Variants in PAK5 observed in about 807,000 individuals in gnomAD.
The protein encoded by PAK5 is p21 (RAC1) activated kinase 5.
In PAK5, 16 loss-of-function variants were observed where a neutral mutation model predicts 65.9. That is an observed-to-expected ratio of 0.24 (90% confidence interval 0.16 to 0.37). PAK5 has a LOEUF of 0.37. Among genes scored for constraint, PAK5 ranks in the 10% least tolerant of loss-of-function variants. PAK5 has a pLI of 1.00. For synonymous variants in PAK5, 371 were observed against 354.9 expected, an observed-to-expected ratio of 1.05 and a Z score of -0.51; for missense variants, 785 against 903.9, an observed-to-expected ratio of 0.87 and a Z score of 1.69.
intron 4 of PAK5, chr20:9,575,549 C>T (rs1001548109): frequency 1.3e-5 from 2 of 152,144 alleles, no homozygotes; most frequent in Admixed American, 1.3e-4. Context: ...ATATGAGCAC[C>T]TTAGGGATTT....
chr20:9,799,939 CAAAAAA>C (rs71331383), intron 1 of PAK5, among the ~76,000 whole-genome samples: 47 of 43,660 alleles, frequency 1.1e-3, no homozygotes, highest in Admixed American at 2.0e-3. Flanking sequence ...ACTCTGTCTC[CAAAAAA>C]AAAAAAAAAA....
chr20:9,642,161 G>A (rs899939460), intron 3 of PAK5, among the ~76,000 whole-genome samples: 2 of 152,224 alleles, frequency 1.3e-5, no homozygotes, highest in Non-Finnish European at 2.9e-5. Context: ...CTCACTTTGG[G>A]TATATACCCA....
At chr20:9,661,117 G>GT (rs1192110501) in intron 2 of PAK5, among the ~76,000 whole-genome samples, 9 of 151,914 alleles carry the variant, frequency 5.9e-5, no homozygotes, top group East Asian at 5.8e-4. Flanking sequence ...CAGGGCTTTG[G>GT]TTTTTTTTCT....
chr20:9,699,343 C>A (rs888926488), intron 2 of PAK5, among the ~76,000 whole-genome samples: 1 of 151,988 alleles, frequency 6.6e-6, no homozygotes, highest in Non-Finnish European at 1.5e-5. Flanking sequence ...AGGCTGGGAG[C>A]TTCTTTTAGG....
chr20:9,726,931 A>C (rs1054578613), intron 1 of PAK5, among the ~76,000 whole-genome samples: 1 of 152,218 alleles, frequency 6.6e-6, no homozygotes, highest in African/African-American at 2.4e-5. Flanking sequence ...GAATAGTAAA[A>C]GTGGAAGTTA....
At chr20:9,677,077 G>GTGTGTTTGT (rs961961369) in intron 2 of PAK5, among the ~76,000 whole-genome samples, 2 of 100,568 alleles carry the variant, frequency 2.0e-5, no homozygotes, top group African/African-American at 6.1e-5. Context: ...GTGTGTGTGT[G>GTGTGTTTGT]TGTGTGTGTG....
intron 2 of PAK5, among the ~76,000 whole-genome samples, chr20:9,671,654 T>C (rs1344314802): frequency 2.7e-5 from 4 of 147,050 alleles, no homozygotes; most frequent in Non-Finnish European, 1.5e-5. Context: ...AAGTTGCTTA[T>C]CAGCTTAAGG....
chr20:9,562,842 G>C (rs770441623), intron 6 of PAK5, 49 bp downstream of exon 6: 1 of 1,564,994 alleles, frequency 6.4e-7, no homozygotes, highest in East Asian at 2.2e-5. Flanking sequence ...CTTTATCCTG[G>C]AGAAGAATAA....
At chr20:9,747,114 A>C (rs2048517524) in intron 1 of PAK5, among the ~76,000 whole-genome samples, 2 of 152,130 alleles carry the variant, frequency 1.3e-5, no homozygotes, top group African/African-American at 2.4e-5. Flanking sequence ...CGACACGTAC[A>C]CCCTCCCAAG....
chr20:9,730,353 TGAC>T (rs1360247756), intron 1 of PAK5, among the ~76,000 whole-genome samples: 2 of 152,196 alleles, frequency 1.3e-5, no homozygotes, highest in East Asian at 3.9e-4. Flanking sequence ...AAAATTACCA[TGAC>T]AAGAGGATGT....
chr20:9,617,549 C>CCAATCCT (rs2046681117), intron 3 of PAK5, among the ~76,000 whole-genome samples: 5 of 94,580 alleles, frequency 5.3e-5, no homozygotes, highest in Admixed American at 1.4e-4. Context: ...AATCCCAATC[C>CCAATCCT]TTTTTTTTTT....
chr20:9,581,052 T>C, intron 3 of PAK5, 122 bp from the exon 4 acceptor site: 1 of 663,614 alleles, frequency 1.5e-6, no homozygotes, highest in Admixed American at 2.8e-5. Context: ...CGGGAACACT[T>C]AACACAAAAT....
chr20:9,601,884 C>T lies in PAK5; in HGVS notation c.205-20954G>A, dbSNP rs183194155. 2.0e-5 allele frequency among the ~76,000 whole-genome samples: 3 copies of T among 152,290 alleles called. No homozygotes were observed. In the East Asian group the frequency reaches 5.8e-4, roughly 29 times the overall value. The stretch of plus-strand genomic sequence containing the variant: ...GCAGCCAACTCTAAGTGACCTGAAC[C>T]TCAAAGCAGAGTAACCCTACCAGCC... On this transcript the variant is annotated intron_variant, in intron 3 of 9. Coordinates refer to ENST00000353224, the MANE Select transcript of PAK5 (RefSeq NM_177990.4).
chr20:9,762,979 T>C (rs1213493080), intron 1 of PAK5, among the ~76,000 whole-genome samples: 3 of 152,116 alleles, frequency 2.0e-5, no homozygotes, highest in Admixed American at 1.3e-4. Flanking sequence ...TGGATGAATC[T>C]AGAGGACATT....
chr20:9,646,482 G>T (rs945842551), intron 2 of PAK5, among the ~76,000 whole-genome samples: 4 of 152,166 alleles, frequency 2.6e-5, no homozygotes, highest in Non-Finnish European at 1.5e-5. Context: ...AAACAATTCT[G>T]TAAGTACTTT....
intron 2 of PAK5, among the ~76,000 whole-genome samples, chr20:9,687,886 G>GGTGTGTGTGTGTGTGTGTGTGTGT (rs111641971): frequency 6.7e-6 from 1 of 148,626 alleles, no homozygotes; most frequent in African/African-American, 2.5e-5. Context: ...AAGAGAGGGA[G>GGTGTGTGTGTGTGTGTGTGTGTGT]GTGTGTGTGT....
At chr20:9,651,825 C>T (rs76584924) in intron 2 of PAK5, among the ~76,000 whole-genome samples, 1 of 152,170 alleles carries the variant, frequency 6.6e-6, no homozygotes, top group East Asian at 1.9e-4. Flanking sequence ...CATATCCCCC[C>T]TCAAAATCTC....
intron 2 of PAK5, among the ~76,000 whole-genome samples, chr20:9,675,199 A>G (rs1291141364): frequency 6.6e-6 from 1 of 152,204 alleles, no homozygotes; most frequent in African/African-American, 2.4e-5. Context: ...ATATGACAAA[A>G]AATAAAAGAG....
intron 1 of PAK5, among the ~76,000 whole-genome samples, chr20:9,714,044 T>C (rs1465766354): frequency 2.0e-5 from 3 of 152,102 alleles, no homozygotes; most frequent in African/African-American, 4.8e-5. Context: ...AGGTAAATGT[T>C]TGAGGTGATG....
Sources: allele counts gnomAD v4.1 joint callset (sites outside exome capture counted in the v4.1 genomes callset), GRCh38; gene constraint gnomAD v4.1.1; transcripts MANE v1.5; gene names NCBI Gene and HGNC (gene_info 2026-07-23, HGNC 2026-07-21).